IL1RN: variants seen among roughly 807,000 people sequenced by gnomAD.
The protein encoded by IL1RN is interleukin 1 receptor antagonist, also known as interleukin-1 receptor antagonist protein.
IL1RN carries 10 observed loss-of-function variants against 13.7 expected under a neutral mutation model. The observed-to-expected ratio is 0.73, with a 90% CI of 0.45 to 1.24. IL1RN has a LOEUF of 1.24. Ranked by LOEUF, IL1RN falls within the 50% of genes most tolerant of loss-of-function variation. The pLI is 0.00. For synonymous variants in IL1RN, 102 were observed against 82.7 expected, an observed-to-expected ratio of 1.23 and a Z score of -1.27; for missense variants, 213 against 222.1, an observed-to-expected ratio of 0.96 and a Z score of 0.26.
At chr2:113,125,053 C>CAG (rs555510421), upstream of IL1RN, among the ~76,000 whole-genome samples, 17 of 152,332 alleles carry the variant, frequency 1.1e-4, no homozygotes, top group East Asian at 3.3e-3. Context: ...TGGAACTCTC[C>CAG]ACCCTACCTT....
intron 1 of IL1RN, among the ~76,000 whole-genome samples, chr2:113,119,801 G>T (rs1363547036): frequency 6.6e-6 from 1 of 152,192 alleles, no homozygotes; most frequent in African/African-American, 2.4e-5. Context: ...AAGACACCAT[G>T]TTCCCTGGGT....
exon 2 of IL1RN, chr2:113,120,085 A>G: frequency 6.2e-7 from 1 of 1,613,366 alleles, no homozygotes; most frequent in Non-Finnish European, 8.5e-7. Flanking sequence ...ATGAAGAAGG[A>G]GGTGGAGGAG....
chr2:113,103,314 C>T (rs1357865650), upstream of IL1RN, among the ~76,000 whole-genome samples: 1 of 152,142 alleles, frequency 6.6e-6, no homozygotes, highest in Non-Finnish European at 1.5e-5. Flanking sequence ...TGTTACCTAA[C>T]ATAGAAAAAA....
the IL1RN span, among the ~76,000 whole-genome samples, chr2:113,099,880 A>G: frequency 3.5e-5 from 5 of 142,088 alleles, no homozygotes; most frequent in Admixed American, 6.9e-5. Context: ...GACTACAGGC[A>G]CCTGCCACCA....
rs375006855 is a variant in IL1RN at position 113,127,788 on chromosome 2, C to T, written c.116+48C>T. 1.3e-4 allele frequency: 213 copies of T among 1,586,604 alleles called. No individual in the cohort carries two copies. The African/African-American group carries it at 2.4e-3, about 18-fold the overall frequency. On this transcript the variant is annotated intron_variant, in intron 1 of 3. Coordinates refer to ENST00000409930, the MANE Select transcript of IL1RN (RefSeq NM_173842.3). Reference sequence around the variant, plus strand: ...AAGGTGAGGGTGGATCAGCTGGAGACTGGAAACATATCACAGCTGCCAGGG... The same window carrying T: ...AAGGTGAGGGTGGATCAGCTGGAGATTGGAAACATATCACAGCTGCCAGGG...
upstream of IL1RN, among the ~76,000 whole-genome samples, chr2:113,109,155 G>C (rs1471576264): frequency 6.6e-6 from 1 of 152,098 alleles, no homozygotes; most frequent in Non-Finnish European, 1.5e-5. Context: ...AGTCATGCCC[G>C]TAATCCCAGC....
chr2:113,104,976 T>A (rs1243159990), upstream of IL1RN, among the ~76,000 whole-genome samples: 2 of 152,168 alleles, frequency 1.3e-5, no homozygotes, highest in Admixed American at 1.3e-4. Context: ...ACAGATGGAA[T>A]CACAAATTAC....
intron 1 of IL1RN, among the ~76,000 whole-genome samples, chr2:113,111,451 G>T (rs574431253): frequency 1.3e-5 from 2 of 152,294 alleles, no homozygotes; most frequent in Admixed American, 1.3e-4. Flanking sequence ...TCTGAATACT[G>T]TTGTGGAATT....
At chr2:113,104,866 A>G (rs955287215), upstream of IL1RN, among the ~76,000 whole-genome samples, 4 of 152,210 alleles carry the variant, frequency 2.6e-5, no homozygotes, top group Admixed American at 1.3e-4. Flanking sequence ...GCTGAAATTT[A>G]AAACCAGGTT....
chr2:113,099,723 CTTTTCTTTTTTTTTT>C, the IL1RN span, among the ~76,000 whole-genome samples: 2 of 72,170 alleles, frequency 2.8e-5, no homozygotes, highest in Non-Finnish European at 5.4e-5. Flanking sequence ...CCTCTTCTTT[CTTTTCTTTTTTTTTT>C]TTTTTTTTTT....
chr2:113,121,180 C>T (rs902947414), intron 2 of IL1RN, among the ~76,000 whole-genome samples: 2 of 151,948 alleles, frequency 1.3e-5, no homozygotes, highest in Middle Eastern at 3.4e-3. Flanking sequence ...AAAGTGAAAG[C>T]AAGTTTATTA....
At chr2:113,099,647 G>A in the IL1RN span, among the ~76,000 whole-genome samples, 2 of 150,722 alleles carry the variant, frequency 1.3e-5, no homozygotes, top group Admixed American at 1.3e-4. Context: ...TCCATACACT[G>A]CTCTGTTCAT....
chr2:113,127,120 A>G (rs569991655), upstream of IL1RN, among the ~76,000 whole-genome samples: 154 of 152,312 alleles, frequency 1.0e-3, no homozygotes, highest in African/African-American at 3.4e-3. Context: ...AATATTTACT[A>G]TCTCGTCCTT....
At chr2:113,112,031 C>T (rs145413882) in intron 1 of IL1RN, among the ~76,000 whole-genome samples, 1 of 152,218 alleles carries the variant, frequency 6.6e-6, no homozygotes, top group Non-Finnish European at 1.5e-5. Flanking sequence ...CCTCCTTTTG[C>T]CAATGTTGCA....
chr2:113,115,025 G>C (rs1686566944), upstream of IL1RN, among the ~76,000 whole-genome samples: 1 of 152,174 alleles, frequency 6.6e-6, no homozygotes, highest in Non-Finnish European at 1.5e-5. Context: ...TGGAAGCTGA[G>C]CAGGCTGAGC....
Position 113,131,097 on chromosome 2 carries a change from T to A in IL1RN, c.258T>A (p.His86Gln), listed in dbSNP as rs755622357. 4.3e-6 allele frequency: 7 copies of A among 1,613,904 alleles called. No individual in the cohort carries two copies. The South Asian group carries it at 6.6e-5, about 15-fold the overall frequency. ...IEPHALFLGIHGGKMCLSCVK... is the reference protein window; with the variant it reads ...IEPHALFLGIQGGKMCLSCVK... Reference sequence around the variant, plus strand: ...CTCATGCTCTGTTCTTGGGAATCCATGGAGGGAAGATGTGCCTGTCCTGTG... The same window carrying A: ...CTCATGCTCTGTTCTTGGGAATCCAAGGAGGGAAGATGTGCCTGTCCTGTG... The change falls in exon 3 of 4, where the codon CAT becomes CAA. Residue 86 changes from histidine (H) to glutamine (Q), a missense_variant. Coordinates refer to ENST00000409930, the MANE Select transcript of IL1RN (RefSeq NM_173842.3).
intron 1 of IL1RN, among the ~76,000 whole-genome samples, chr2:113,127,952 G>C (rs1687023454): frequency 6.6e-6 from 1 of 152,250 alleles, no homozygotes; most frequent in Non-Finnish European, 1.5e-5. Flanking sequence ...CGACCGGAGG[G>C]CTGTCTTACT....
chr2:113,100,679 G>C, the IL1RN span, among the ~76,000 whole-genome samples: 3 of 152,176 alleles, frequency 2.0e-5, no homozygotes, highest in Non-Finnish European at 4.4e-5. Flanking sequence ...GTGCCGACAA[G>C]AATCAAATTT....
At chr2:113,120,960 T>TTTCTTC (rs758115060) in intron 2 of IL1RN, among the ~76,000 whole-genome samples, 13 of 150,156 alleles carry the variant, frequency 8.7e-5, no homozygotes, top group African/African-American at 1.5e-4. Flanking sequence ...CCTTGAGTAG[T>TTTCTTC]TTCTTCTTCT....
Sources: allele counts gnomAD v4.1 joint callset (sites outside exome capture counted in the v4.1 genomes callset), GRCh38; gene constraint gnomAD v4.1.1; transcripts MANE v1.5; gene names NCBI Gene and HGNC (gene_info 2026-07-23, HGNC 2026-07-21).